Variants in PTPRB observed in about 807,000 individuals in gnomAD.
The protein encoded by PTPRB is receptor-type tyrosine-protein phosphatase beta.
Under a neutral mutation model 238.1 loss-of-function variants are expected in PTPRB, and 97 were observed. The ratio of observed to expected loss-of-function variants is 0.41; its 90% CI spans 0.35 to 0.48. The LOEUF (loss-of-function observed/expected upper bound fraction) is 0.48. PTPRB is among the 20% of genes least tolerant of loss of function. PTPRB has a pLI of 0.30. For synonymous variants in PTPRB, 970 were observed against 995.4 expected (o/e 0.97, Z 0.48); for missense variants, 2,292 against 2,681.9 (o/e 0.85, Z 3.21).
intron 12 of PTPRB, 189 bp from the exon 13 acceptor site, chr12:70,571,478 A>G (rs1470201998): frequency 3.1e-6 from 2 of 636,158 alleles, no homozygotes; most frequent in Non-Finnish European, 5.3e-6. Context: ...TTTTCCTGAC[A>G]TAAATGTTAC....
Position 70,520,216 on chromosome 12 carries a change from G to A in PTPRB, c.*1273C>T. On this transcript the variant is annotated 3_prime_UTR_variant, in exon 34 of 34. Transcript: ENST00000334414. ...TTTCCCAGGAATGCTGTCGGAACTGGACCTTGATGAAGGAAATACTTTCTG... is the reference window on the plus strand; with the variant it reads ...TTTCCCAGGAATGCTGTCGGAACTGAACCTTGATGAAGGAAATACTTTCTG... The A allele has an allele frequency of 2.1e-6, 1 of 479,656 alleles. No individual in the cohort carries two copies. Among genetic ancestry groups the A allele is most frequent in the South Asian group, 1.5e-5 (1 of 66,112 alleles). 29.7% of individuals were successfully genotyped at this position (479,656 alleles called of 1,614,324 possible). A position where few individuals can be genotyped will look rare whatever the true frequency, so the allele number is the denominator to read the frequency against.
In PTPRB at chr12:70,594,739, T is replaced by C. The variant is rs1882837241; in HGVS notation, c.1259-15A>G. On this transcript the variant is annotated splice_polypyrimidine_tract_variant and intron_variant, in intron 5 of 33. Transcript: ENST00000334414. ...TGGAGATGGCACTAGTGGGATAAAA[T>C]GCATGTCCAAATGTCATTAATAATT... The C allele has an allele frequency of 2.5e-6, 4 of 1,613,234 alleles. No individual in the cohort carries two copies. In the South Asian group the frequency reaches 3.3e-5, roughly 13 times the overall value.
In PTPRB at chr12:70,559,662, G is replaced by A. The variant is rs772996062; in HGVS notation, c.4433-38C>T. 3 of 1,535,956 alleles carry A rather than the reference G, an allele frequency of 2.0e-6. No individual in the cohort carries two copies. In the Admixed American group the frequency reaches 5.1e-5, roughly 26 times the overall value. ...GAAAGTGAAAAATCACATAATCACAGCTATGCCATAACATATACAAATAAG... is the reference window on the plus strand; with the variant it reads ...GAAAGTGAAAAATCACATAATCACAACTATGCCATAACATATACAAATAAG... On this transcript the variant is annotated intron_variant, in intron 17 of 33. Transcript: ENST00000334414.
intron 1 of PTPRB, among the ~76,000 whole-genome samples, chr12:70,636,513 G>A (rs1355112589): frequency 1.3e-5 from 2 of 151,992 alleles, no homozygotes; most frequent in Admixed American, 6.6e-5. Context: ...CCCTTTTCCA[G>A]TCTTTAAATT....
chr12:70,548,253 A>G (rs1335808690), intron 21 of PTPRB, among the ~76,000 whole-genome samples: 1 of 151,916 alleles, frequency 6.6e-6, no homozygotes, highest in African/African-American at 2.4e-5. Context: ...GCTTGAATCT[A>G]AAAAGTGGAG....
In PTPRB at chr12:70,524,708, C is replaced by A; in HGVS notation, c.6505-117G>T. Reference sequence around the variant, plus strand: ...TATAGTTAGCAAATTTCTTGAACATCGCTTCACTAATGGTCTCTGGTAAAT... The same window carrying A: ...TATAGTTAGCAAATTTCTTGAACATAGCTTCACTAATGGTCTCTGGTAAAT... On this transcript the variant is annotated intron_variant, in intron 32 of 33. Transcript: ENST00000334414. 1.9e-6 allele frequency: 2 copies of A among 1,049,892 alleles called. 1 individual carries two copies. Among genetic ancestry groups the A allele is most frequent in the Admixed American group, 6.0e-5 (2 of 33,218 alleles). 65.0% of individuals were successfully genotyped at this position (1,049,892 alleles called of 1,614,324 possible). A position where few individuals can be genotyped will look rare whatever the true frequency, so the allele number is the denominator to read the frequency against.
At chr12:70,536,557 A>G (rs536326989) in intron 28 of PTPRB, among the ~76,000 whole-genome samples, 10 of 152,330 alleles carry the variant, frequency 6.6e-5, no homozygotes, top group African/African-American at 7.2e-5. Flanking sequence ...TAATTTGGTA[A>G]GATATATCAT....
chr12:70,515,924 TATAGA>T lies in PTPRB; in HGVS notation c.*5560_*5564del, dbSNP rs1180860589. On this transcript the variant is annotated 3_prime_UTR_variant, in exon 34 of 34. Coordinates refer to ENST00000334414, the MANE Select transcript of PTPRB (RefSeq NM_001109754.4). ...TAGTGAGAATGTATGCAAGATGCTA[TATAGA>T]TTTTTTTTTTACCACAGTTACAAAT... 9 of 87,748 alleles carry T rather than the reference TATAGA, an allele frequency of 1.0e-4. No homozygotes were observed. The East Asian group carries it at 9.3e-3, about 90-fold the overall frequency. The allele number at this position is 87,748 out of a possible 1,614,324, so 5.4% of individuals were successfully genotyped here. A position where few individuals can be genotyped will look rare whatever the true frequency, so the allele number is the denominator to read the frequency against.
chr12:70,566,693 C>A lies in PTPRB; in HGVS notation c.3646G>T (p.Val1216Phe). ...NVVGRTVPASVQGVIADNAYS... is the reference protein window; with the variant it reads ...NVVGRTVPASFQGVIADNAYS... ...GCATTGTCTGCAATTACTCCTTGGA[C>A]AGATGCTGGAACTGCAGAGAGACAA... The change falls in exon 15 of 34, where the codon GTC becomes TTC. Residue 1216 changes from valine (V) to phenylalanine (F), a missense_variant. Physicochemically the swap from Val to Phe is conservative, Grantham distance 50. Coordinates refer to ENST00000334414, the MANE Select transcript of PTPRB (RefSeq NM_001109754.4). 1 of 1,613,004 alleles carries A rather than the reference C, an allele frequency of 6.2e-7. No individual in the cohort carries two copies. Among genetic ancestry groups the A allele is most frequent in the South Asian group, 1.1e-5 (1 of 91,058 alleles).
chr12:70,637,278 A>C, intron 1 of PTPRB, 63 bp downstream of exon 1: 1 of 1,455,248 alleles, frequency 6.9e-7, no homozygotes. Context: ...CACTTCAAAG[A>C]CCAGGGACTC....
intron 3 of PTPRB, among the ~76,000 whole-genome samples, chr12:70,615,666 A>T (rs1424690090): frequency 2.0e-5 from 3 of 151,912 alleles, no homozygotes; most frequent in Non-Finnish European, 4.4e-5. Flanking sequence ...CTGCCACCCC[A>T]CCCTTGGAAG....
intron 21 of PTPRB, among the ~76,000 whole-genome samples, chr12:70,545,114 G>A (rs953308444): frequency 6.6e-6 from 1 of 152,210 alleles, no homozygotes; most frequent in Non-Finnish European, 1.5e-5. Context: ...ATATATCAAA[G>A]GAAGAACTAA....
At chr12:70,544,923 G>T (rs546303816) in intron 21 of PTPRB, among the ~76,000 whole-genome samples, 1 of 152,166 alleles carries the variant, frequency 6.6e-6, no homozygotes, top group Non-Finnish European at 1.5e-5. Flanking sequence ...TGCCATTCCA[G>T]AGGTTACATT....
chr12:70,520,137 C>A lies in PTPRB; in HGVS notation c.*1352G>T. ...TGTAGTGTGAAAAAGGCAAACATCT[C>A]CAGCTCATCTTCTCAGGTATCTATG... On this transcript the variant is annotated 3_prime_UTR_variant, in exon 34 of 34. Coordinates refer to ENST00000334414, the MANE Select transcript of PTPRB (RefSeq NM_001109754.4). 1 of 430,434 alleles carries A rather than the reference C, an allele frequency of 2.3e-6. No homozygotes were observed. The highest frequency in any genetic ancestry group is 4.6e-6 in the Non-Finnish European group (1 of 217,200). 26.7% of individuals were successfully genotyped at this position (430,434 alleles called of 1,614,324 possible). A position where few individuals can be genotyped will look rare whatever the true frequency, so the allele number is the denominator to read the frequency against.
intron 2 of PTPRB, among the ~76,000 whole-genome samples, chr12:70,631,585 T>C (rs559968611): frequency 4.1e-4 from 62 of 152,264 alleles, no homozygotes; most frequent in Admixed American, 1.8e-3. Context: ...AAATGGGATC[T>C]AATTAAACTA....
intron 10 of PTPRB, among the ~76,000 whole-genome samples, 152 bp from the exon 11 acceptor site, chr12:70,576,797 C>T (rs1374321722): frequency 2.0e-5 from 3 of 151,364 alleles, no homozygotes; most frequent in African/African-American, 7.3e-5. Flanking sequence ...GTCAAGGAAG[C>T]GTGAGGATTT....
intron 3 of PTPRB, among the ~76,000 whole-genome samples, chr12:70,617,513 C>T (rs544763431): frequency 2.0e-5 from 3 of 152,232 alleles, no homozygotes; most frequent in South Asian, 4.2e-4. Context: ...ACTTCTTTGC[C>T]CTCCTCCCTC....
chr12:70,633,829 T>C (rs1480853441), intron 2 of PTPRB, among the ~76,000 whole-genome samples: 7 of 152,264 alleles, frequency 4.6e-5, no homozygotes, highest in African/African-American at 1.7e-4. Context: ...ACTGAGTCCA[T>C]ATCTACTTTT....
chr12:70,596,828 C>A (rs1356780491), intron 4 of PTPRB, among the ~76,000 whole-genome samples: 1 of 151,992 alleles, frequency 6.6e-6, no homozygotes, highest in Non-Finnish European at 1.5e-5. Context: ...TATTAGACAA[C>A]CACAAAAGAT....
Sources: gnomAD v4.1 joint callset for allele counts (sites outside exome capture counted in the v4.1 genomes callset) on GRCh38, gnomAD v4.1.1 for gene constraint, MANE v1.5 for transcripts, NCBI Gene and HGNC (gene_info 2026-07-23, HGNC 2026-07-21) for gene names.